Variants in GRHL2 observed in about 807,000 individuals in gnomAD.
GRHL2 encodes the protein grainyhead like transcription factor 2.
In GRHL2, 21 loss-of-function variants were observed where a neutral mutation model predicts 83.8. The observed-to-expected ratio is 0.25, with a 90% CI of 0.18 to 0.36. The LOEUF (loss-of-function observed/expected upper bound fraction) is 0.36, where lower values mean the gene tolerates loss of function less well. Ranked by LOEUF, GRHL2 falls within the 10% of genes least tolerant of loss-of-function variation. GRHL2 has a pLI of 1.00. For missense variants in GRHL2, 623 were observed against 781.8 expected, an observed-to-expected ratio of 0.80 and a Z score of 2.42; for synonymous variants, 280 against 278.9, an observed-to-expected ratio of 1.00 and a Z score of -0.04.
At chr8:101,652,755 G>A (rs1341939302) in intron 14 of GRHL2, among the ~76,000 whole-genome samples, 2 of 152,022 alleles carry the variant, frequency 1.3e-5, no homozygotes, top group Non-Finnish European at 2.9e-5. Flanking sequence ...TTGTTAAAAT[G>A]GAAATAATAA....
chr8:101,632,968 G>A (rs971226789), intron 11 of GRHL2, among the ~76,000 whole-genome samples: 3 of 152,104 alleles, frequency 2.0e-5, no homozygotes, highest in Non-Finnish European at 2.9e-5. Context: ...GGTAGCTCAA[G>A]TTGATGGAAT....
chr8:101,575,040 A>G (rs1811905722), intron 6 of GRHL2, among the ~76,000 whole-genome samples: 1 of 152,218 alleles, frequency 6.6e-6, no homozygotes, highest in African/African-American at 2.4e-5. Flanking sequence ...CGGACTCCTG[A>G]ACCCAACTCT....
chr8:101,666,818 T>TACAAG lies in GRHL2; in HGVS notation c.*118_*122dup. Reference sequence around the variant, plus strand: ...ATCTCCCCCATCTCACAACTGCTGTTACAAGACCGTGCTGGGGAGTGGGGC... The same window carrying TACAAG: ...ATCTCCCCCATCTCACAACTGCTGTTACAAGACAAGACCGTGCTGGGGAGTGGGGC... On this transcript the variant is annotated 3_prime_UTR_variant, in exon 16 of 16. Coordinates refer to ENST00000646743, the MANE Select transcript of GRHL2 (RefSeq NM_024915.4). 1 of 737,572 alleles carries TACAAG rather than the reference T, an allele frequency of 1.4e-6. No individual in the cohort carries two copies. Among genetic ancestry groups the TACAAG allele is most frequent in the Admixed American group, 2.0e-5 (1 of 50,346 alleles). The allele number at this position is 737,572 out of a possible 1,614,324, so 45.7% of individuals were successfully genotyped here.
At chr8:101,635,830 C>T (rs750619994) in intron 11 of GRHL2, among the ~76,000 whole-genome samples, 5 of 152,198 alleles carry the variant, frequency 3.3e-5, no homozygotes, top group Non-Finnish European at 7.3e-5. Context: ...TAGAATGACT[C>T]ATTCCCAGAG....
At chr8:101,561,002 ATGT>A (rs59156214) in intron 4 of GRHL2, among the ~76,000 whole-genome samples, 22,132 of 151,818 alleles carry the variant, frequency 0.15, 1,950 homozygotes, top group South Asian at 0.28. Flanking sequence ...TACTTTATTA[ATGT>A]TGTCTTTTAT....
intron 1 of GRHL2, among the ~76,000 whole-genome samples, chr8:101,538,213 C>G (rs1378940681): frequency 6.6e-6 from 1 of 152,196 alleles, no homozygotes; most frequent in African/African-American, 2.4e-5. Flanking sequence ...TAAGCTTCCT[C>G]TGCTTCTCCC....
At chr8:101,570,894 T>C (rs889434885) in intron 5 of GRHL2, among the ~76,000 whole-genome samples, 1 of 152,226 alleles carries the variant, frequency 6.6e-6, no homozygotes, top group Non-Finnish European at 1.5e-5. Flanking sequence ...CTTTCCAAGT[T>C]ACCCTTGTCA....
chr8:101,523,502 G>C (rs922815237), intron 1 of GRHL2, among the ~76,000 whole-genome samples: 1 of 150,154 alleles, frequency 6.7e-6, no homozygotes, highest in Non-Finnish European at 1.5e-5. Context: ...AGGGGGGTGG[G>C]GTCTCACTGT....
At chr8:101,495,487 A>C (rs660072) in intron 1 of GRHL2, among the ~76,000 whole-genome samples, 123,574 of 152,156 alleles carry the variant, frequency 0.81, 51,689 homozygotes, top group Non-Finnish European at 0.93. Flanking sequence ...AAAATTCTCT[A>C]CTCCATCTTA....
chr8:101,651,895 C>T (rs1032718783), intron 14 of GRHL2, among the ~76,000 whole-genome samples: 1 of 152,128 alleles, frequency 6.6e-6, no homozygotes, highest in Non-Finnish European at 1.5e-5. Flanking sequence ...TCCTTGCTTC[C>T]TAAGTTATGC....
chr8:101,624,921 A>G (rs1207396991), intron 9 of GRHL2, among the ~76,000 whole-genome samples: 1 of 152,150 alleles, frequency 6.6e-6, no homozygotes, highest in Non-Finnish European at 1.5e-5. Flanking sequence ...AACTTTATAC[A>G]TAAAATACCG....
chr8:101,652,442 TGTGTGGTGTGTGTCTG>T (rs1348565342), intron 14 of GRHL2, among the ~76,000 whole-genome samples: 1,915 of 99,820 alleles, frequency 0.019, 129 homozygotes, highest in Middle Eastern at 0.035. Context: ...GTGTCTGGTG[TGTGTGGTGTGTGTCTG>T]GTGTGTGTGG....
chr8:101,606,694 G>A (rs1368991292), intron 8 of GRHL2, among the ~76,000 whole-genome samples: 1 of 152,166 alleles, frequency 6.6e-6, no homozygotes, highest in African/African-American at 2.4e-5. Flanking sequence ...TGTGACTAGA[G>A]CCATCATATA....
intron 2 of GRHL2, among the ~76,000 whole-genome samples, chr8:101,547,882 T>G (rs1811297797): frequency 6.6e-6 from 1 of 152,238 alleles, no homozygotes; most frequent in Non-Finnish European, 1.5e-5. Context: ...TACTTACCAG[T>G]AATAGCTCCA....
At chr8:101,672,227 A>C (rs1814222498), downstream of GRHL2, among the ~76,000 whole-genome samples, 2 of 151,760 alleles carry the variant, frequency 1.3e-5, no homozygotes, top group African/African-American at 4.9e-5. Flanking sequence ...GAGCTGAGAG[A>C]AGAAGGCTTC....
chr8:101,645,166 C>T, intron 13 of GRHL2, among the ~76,000 whole-genome samples: 1 of 121,674 alleles, frequency 8.2e-6, no homozygotes, highest in Non-Finnish European at 1.6e-5. Context: ...CAAAGTCTTG[C>T]TCTGTTGCCA....
chr8:101,618,935 AG>A (rs1299203438), intron 8 of GRHL2, among the ~76,000 whole-genome samples: 2 of 152,112 alleles, frequency 1.3e-5, no homozygotes, highest in Non-Finnish European at 2.9e-5. Context: ...TGTTTTACCC[AG>A]GCCACTTATG....
intron 8 of GRHL2, among the ~76,000 whole-genome samples, chr8:101,604,375 T>C (rs1213307154): frequency 6.6e-6 from 1 of 152,152 alleles, no homozygotes; most frequent in African/African-American, 2.4e-5. Context: ...CAGCAAACCC[T>C]AATTACAGGC....
rs1484576366 is a variant in GRHL2 at position 101,558,613 on chromosome 8, C to G, written c.479C>G (p.Ala160Gly). The G allele has an allele frequency of 1.9e-6, 3 of 1,614,022 alleles. No individual in the cohort carries two copies. In the African/African-American group the frequency reaches 4.0e-5, roughly 22 times the overall value. ...IPVSGITVVK[A>G]EDFTPVFMAP... ...GTGTCGGGAATCACGGTGGTGAAAG[C>G]TGAAGATTTCACACCAGTTTTCATG... is the stretch of plus-strand genomic sequence containing the variant. The change falls in exon 4 of 16, where the codon GCT becomes GGT. Residue 160 changes from alanine to glycine, a missense_variant. Coordinates refer to ENST00000646743, the MANE Select transcript of GRHL2 (RefSeq NM_024915.4).
Sources: allele counts gnomAD v4.1 joint callset (sites outside exome capture counted in the v4.1 genomes callset), GRCh38; gene constraint gnomAD v4.1.1; transcripts MANE v1.5; gene names NCBI Gene and HGNC (gene_info 2026-07-23, HGNC 2026-07-21).